SGCZ: variants seen among roughly 807,000 people sequenced by gnomAD.
SGCZ encodes zeta-sarcoglycan.
In SGCZ, 40 loss-of-function variants were observed where a neutral mutation model predicts 41.3. The ratio of observed to expected loss-of-function variants is 0.97; its 90% CI spans 0.75 to 1.26. The LOEUF is 1.26. SGCZ is among the 50% of genes most tolerant of loss of function. The pLI, the probability that SGCZ is intolerant of heterozygous loss-of-function variation, is 0.00. For synonymous variants in SGCZ, 206 were observed against 137.5 expected (o/e 1.50, Z -3.49); for missense variants, 552 against 369.8 (o/e 1.49, Z -4.04).
intron 2 of SGCZ, among the ~76,000 whole-genome samples, chr8:14,396,019 G>A (rs990616933): frequency 2.6e-5 from 4 of 152,220 alleles, no homozygotes; most frequent in South Asian, 4.1e-4. Flanking sequence ...GTTTATGATC[G>A]GAGAGAGGGT....
chr8:14,610,483 C>T (rs1277571104), intron 1 of SGCZ, among the ~76,000 whole-genome samples: 3 of 152,072 alleles, frequency 2.0e-5, no homozygotes, highest in Admixed American at 2.0e-4. Context: ...CATGTAGATT[C>T]TGTCATTTAT....
At chr8:14,246,243 G>C (rs990196192) in intron 3 of SGCZ, among the ~76,000 whole-genome samples, 3 of 152,118 alleles carry the variant, frequency 2.0e-5, no homozygotes, top group East Asian at 3.9e-4. Context: ...GTGGCACATA[G>C]ACACCATGGA....
intron 1 of SGCZ, among the ~76,000 whole-genome samples, chr8:14,629,382 T>C (rs1004702157): frequency 3.3e-4 from 50 of 152,044 alleles, no homozygotes; most frequent in African/African-American, 1.0e-3. Flanking sequence ...AATGTAAAAA[T>C]AAAGAATAAT....
At chr8:14,629,870 T>C (rs1305493361) in intron 1 of SGCZ, among the ~76,000 whole-genome samples, 1 of 152,096 alleles carries the variant, frequency 6.6e-6, no homozygotes. Flanking sequence ...ATATCTAGAA[T>C]GTCCAATCTG....
chr8:14,706,849 A>G (rs62495171), intron 1 of SGCZ, among the ~76,000 whole-genome samples: 6 of 151,920 alleles, frequency 3.9e-5, no homozygotes, highest in African/African-American at 9.7e-5. Flanking sequence ...GCTGACGGTT[A>G]GTTTGATTCA....
intron 4 of SGCZ, among the ~76,000 whole-genome samples, chr8:14,205,103 A>T (rs1042061994): frequency 2.0e-5 from 3 of 152,184 alleles, no homozygotes; most frequent in African/African-American, 7.2e-5. Flanking sequence ...AATTAAGATA[A>T]ATCCACTTCT....
chr8:15,138,668 T>C (rs1808207820), intron 1 of SGCZ, among the ~76,000 whole-genome samples: 4 of 152,346 alleles, frequency 2.6e-5, no homozygotes, highest in Admixed American at 2.6e-4. Context: ...AAGAGGTGCC[T>C]GCCACCATGA....
chr8:14,779,428 G>T (rs1800515004), intron 1 of SGCZ, among the ~76,000 whole-genome samples: 1 of 152,132 alleles, frequency 6.6e-6, no homozygotes, highest in Non-Finnish European at 1.5e-5. Flanking sequence ...GGCCGGTCAA[G>T]CCTTCAAATG....
At chr8:14,128,480 A>C (rs931149502) in intron 5 of SGCZ, among the ~76,000 whole-genome samples, 4 of 152,216 alleles carry the variant, frequency 2.6e-5, no homozygotes, top group Non-Finnish European at 5.9e-5. Flanking sequence ...ACCTCTATGG[A>C]AAACAGTATG....
Position 14,188,907 on chromosome 8 carries a change from T to C in SGCZ, c.425-24205A>G, listed in dbSNP as rs1421371817. 4.6e-5 allele frequency among the ~76,000 whole-genome samples: 7 copies of C among 150,814 alleles called. 1 individual carries two copies. Among genetic ancestry groups the C allele is most frequent in the Admixed American group, 3.3e-4 (5 of 15,124 alleles). ...AGTGCAATGGCACATTCTCGTCTCA[T>C]TGCAACCTCCATCACCCGGGTTCGA... On this transcript the variant is annotated intron_variant, in intron 4 of 7. Coordinates refer to ENST00000382080, the MANE Select transcript of SGCZ (RefSeq NM_139167.4).
intron 2 of SGCZ, among the ~76,000 whole-genome samples, chr8:14,429,541 G>C (rs1321812739): frequency 6.6e-6 from 1 of 152,184 alleles, no homozygotes; most frequent in Non-Finnish European, 1.5e-5. Context: ...CAGTTGAAGA[G>C]TAGCCCCCAA....
At chr8:15,062,969 A>G (rs1374298699) in intron 1 of SGCZ, among the ~76,000 whole-genome samples, 1 of 152,158 alleles carries the variant, frequency 6.6e-6, no homozygotes, top group African/African-American at 2.4e-5. Flanking sequence ...TACTAAAAAG[A>G]ATGTCAATTG....
intron 1 of SGCZ, among the ~76,000 whole-genome samples, chr8:14,750,822 T>C (rs554331846): frequency 2.0e-5 from 3 of 152,314 alleles, no homozygotes; most frequent in East Asian, 3.9e-4. Context: ...GCGAAATGCA[T>C]ATTACTGTGC....
chr8:14,817,345 A>G (rs554062901), intron 1 of SGCZ, among the ~76,000 whole-genome samples: 25 of 152,272 alleles, frequency 1.6e-4, no homozygotes, highest in Non-Finnish European at 3.2e-4. Flanking sequence ...ACAAAATACA[A>G]GCAATCTTTA....
At chr8:14,634,489 G>T (rs1236334484) in intron 1 of SGCZ, among the ~76,000 whole-genome samples, 1 of 151,702 alleles carries the variant, frequency 6.6e-6, no homozygotes, top group Non-Finnish European at 1.5e-5. Flanking sequence ...CCAAGTTATT[G>T]CAGAAAAATA....
intron 1 of SGCZ, among the ~76,000 whole-genome samples, chr8:14,962,603 A>C (rs1257158788): frequency 1.3e-5 from 2 of 152,204 alleles, no homozygotes; most frequent in African/African-American, 4.8e-5. Flanking sequence ...ATGAAAATAT[A>C]GAAAATTCAT....
chr8:14,587,295 TA>T (rs1280645474), intron 1 of SGCZ, among the ~76,000 whole-genome samples: 1 of 150,524 alleles, frequency 6.6e-6, no homozygotes, highest in Non-Finnish European at 1.5e-5. Context: ...AATGTTTAAT[TA>T]AAAAAACAAA....
intron 2 of SGCZ, among the ~76,000 whole-genome samples, chr8:14,496,177 T>C (rs1478412538): frequency 6.6e-6 from 1 of 151,784 alleles, no homozygotes; most frequent in African/African-American, 2.4e-5. Flanking sequence ...GCAATCCTCC[T>C]GCCTCAGCCT....
intron 1 of SGCZ, among the ~76,000 whole-genome samples, chr8:15,089,252 C>T (rs116451675): frequency 0.04 from 6,146 of 152,164 alleles, 151 homozygotes; most frequent in Non-Finnish European, 0.056. Context: ...TTTGATTTCT[C>T]AGTCTCTTTT....
Sources: allele counts gnomAD v4.1 joint callset (sites outside exome capture counted in the v4.1 genomes callset), GRCh38; gene constraint gnomAD v4.1.1; transcripts MANE v1.5; gene names NCBI Gene and HGNC (gene_info 2026-07-23, HGNC 2026-07-21).